Variants in CEP78 observed in about 807,000 individuals in gnomAD.
The protein encoded by CEP78 is centrosomal protein 78, also known as centrosomal protein of 78 kDa.
CEP78 carries 76 observed loss-of-function variants against 81.2 expected under a neutral mutation model. That is an observed-to-expected ratio of 0.94 (90% CI 0.78 to 1.13). The LOEUF (loss-of-function observed/expected upper bound fraction) is 1.13, where lower values mean the gene tolerates loss of function less well. Ranked by LOEUF, CEP78 falls within the 50% of genes most tolerant of loss-of-function variation. The pLI is 0.00. For missense variants in CEP78, 918 were observed against 846.8 expected, an observed-to-expected ratio of 1.08 and a Z score of -1.04; for synonymous variants, 293 against 301.4, an observed-to-expected ratio of 0.97 and a Z score of 0.29.
chr9:78,265,581 G>T, intron 14 of CEP78, 38 bp downstream of exon 14: 1 of 1,506,908 alleles, frequency 6.6e-7, no homozygotes, highest in Non-Finnish European at 8.9e-7. Flanking sequence ...TTCTACAAGT[G>T]ATTAGCAAAA....
rs1191741262 is a variant in CEP78, at chr9:78,264,277, A to C, written c.1586A>C (p.Gln529Pro). 4 of 1,613,114 alleles carry C rather than the reference A, an allele frequency of 2.5e-6. 1 individual carries two copies. The African/African-American group carries it at 5.3e-5, about 22-fold the overall frequency. Residue 529 changes from glutamine (Q) to proline (P), a missense_variant, in exon 13 of 17, where the codon CAG becomes CCG. By Grantham distance (76) the Gln-to-Pro change is moderately conservative. Transcript: ENST00000643273. ...TTGGGCAGCATTGAGAATTCTTTTC[A>C]GAAGTTTCATGCTTTCTTGGATCTC... ...GVLGSIENSF[Q>P]KFHAFLDLLK...
At chr9:78,267,190 A>C in intron 16 of CEP78, 1 of 506,864 alleles carries the variant, frequency 2.0e-6, no homozygotes, top group South Asian at 1.7e-5. Flanking sequence ...ACATTGATTC[A>C]GCAATTGTTT....
intron 6 of CEP78, among the ~76,000 whole-genome samples, chr9:78,247,105 C>T (rs74670457): frequency 0.016 from 2,505 of 152,272 alleles, 75 homozygotes; most frequent in African/African-American, 0.057. Context: ...TTTTTGAATA[C>T]TTCTATCTGC....
At chr9:78,248,943 A>G in intron 8 of CEP78, 70 bp downstream of exon 8, 2 of 674,952 alleles carry the variant, frequency 3.0e-6, no homozygotes, top group South Asian at 1.9e-5. Context: ...ATCTCTTCTC[A>G]TTGTATGATA....
In CEP78 at chr9:78,266,675, A is replaced by C. The variant is rs1827554002; in HGVS notation, c.2079A>C (p.Arg693Ser). Residue 693 changes from arginine (R) to serine (S), a missense_variant, in exon 16 of 17, where the codon AGA (arginine) becomes AGC (serine). By Grantham distance (110) the Arg-to-Ser change is moderately radical. Transcript: ENST00000643273. Reference sequence around the variant, plus strand: ...AAGAGGAGTTGTCCAGAAATAGCAGATCTTCTTCAGAGAAAAAGACCAAAA... The same window carrying C: ...AAGAGGAGTTGTCCAGAAATAGCAGCTCTTCTTCAGAGAAAAAGACCAAAA... The part of the protein sequence containing the change: ...RKEEELSRNS[R>S]SSSEKKTKTE... The C allele has an allele frequency of 6.2e-7, 1 of 1,612,180 alleles. No homozygotes were observed. Among genetic ancestry groups the C allele is most frequent in the African/African-American group, 1.3e-5 (1 of 74,914 alleles).
rs1827757422 is a variant in CEP78, at chr9:78,274,255, T to C, written c.*3404T>C. The C allele has an allele frequency of 6.6e-6, 1 of 152,212 alleles. No individual in the cohort carries two copies. Among genetic ancestry groups the C allele is most frequent in the Admixed American group, 6.5e-5 (1 of 15,288 alleles). The allele number at this position is 152,212 out of a possible 1,614,324, so 9.4% of individuals were successfully genotyped here. A position where few individuals can be genotyped will look rare whatever the true frequency, so the allele number is the denominator to read the frequency against. On this transcript the variant is annotated 3_prime_UTR_variant, in exon 17 of 17. Coordinates refer to ENST00000643273, the MANE Select transcript of CEP78 (RefSeq NM_001330691.3). Reference sequence around the variant, plus strand: ...GCTACATTCTGTATGATTCCATTTATATGGCATTCTTGAAAAGACAAAACT... The same window carrying C: ...GCTACATTCTGTATGATTCCATTTACATGGCATTCTTGAAAAGACAAAACT...
chr9:78,248,497 G>A (rs1174852396), intron 7 of CEP78, 142 bp downstream of exon 7: 7 of 654,142 alleles, frequency 1.1e-5, no homozygotes, highest in African/African-American at 3.7e-5. Context: ...AGCTAGGACT[G>A]TAGGTATATA....
At chr9:78,252,625 C>T (rs537746469) in intron 9 of CEP78, among the ~76,000 whole-genome samples, 9 of 152,130 alleles carry the variant, frequency 5.9e-5, no homozygotes, top group Middle Eastern at 6.8e-3. Flanking sequence ...AAATTATTTT[C>T]GAATGACTGA....
At position 78,264,291 on chromosome 9, in the gene CEP78, T is replaced by A. The variant is rs749559516; in HGVS notation, c.1600T>A (p.Phe534Ile). The A allele has an allele frequency of 3.1e-6, 5 of 1,613,368 alleles. No homozygotes were observed. The highest frequency in any genetic ancestry group is 4.2e-6 in the Non-Finnish European group (5 of 1,179,558). ...GAATTCTTTTCAGAAGTTTCATGCT[T>A]TCTTGGATCTCCTTAAAGATGCTGG... ...IENSFQKFHAFLDLLKDAGLG... is the reference protein window; with the variant it reads ...IENSFQKFHAILDLLKDAGLG... Residue 534 changes from phenylalanine to isoleucine, a missense_variant, in exon 13 of 17, where the codon TTC becomes ATC. By Grantham distance (21) the Phe-to-Ile change is conservative. Transcript: ENST00000643273.
chr9:78,247,303 G>A (rs1223354041), intron 6 of CEP78, among the ~76,000 whole-genome samples: 5 of 152,132 alleles, frequency 3.3e-5, no homozygotes, highest in Non-Finnish European at 5.9e-5. Flanking sequence ...TTTTTTAGGG[G>A]ACAGCTTCAC....
At chr9:78,251,501 G>T (rs943697993) in intron 8 of CEP78, among the ~76,000 whole-genome samples, 1 of 152,092 alleles carries the variant, frequency 6.6e-6, no homozygotes, top group South Asian at 2.1e-4. Flanking sequence ...ATTCAGGAAT[G>T]CCAAAAATAT....
At chr9:78,262,037 G>T (rs983987500) in intron 11 of CEP78, among the ~76,000 whole-genome samples, 4 of 151,706 alleles carry the variant, frequency 2.6e-5, no homozygotes, top group Admixed American at 6.6e-5. Flanking sequence ...ATCTTAAAAA[G>T]ATATCAAAAT....
chr9:78,236,955 A>T (rs1308489610), intron 1 of CEP78, among the ~76,000 whole-genome samples: 4 of 136,382 alleles, frequency 2.9e-5, no homozygotes, highest in African/African-American at 8.4e-5. Flanking sequence ...AAATTAATAC[A>T]TGTCAGCCTT....
intron 16 of CEP78, among the ~76,000 whole-genome samples, chr9:78,270,607 A>G (rs1827669948): frequency 6.6e-6 from 1 of 152,188 alleles, no homozygotes; most frequent in South Asian, 2.1e-4. Context: ...TTCACACATA[A>G]TTACTAGTGG....
At chr9:78,250,209 A>T in intron 8 of CEP78, 1 of 398,146 alleles carries the variant, frequency 2.5e-6, no homozygotes, top group East Asian at 3.6e-5. Context: ...TTTTAAGAGT[A>T]ACTTTATTTC....
At position 78,277,072 on chromosome 9, in the gene CEP78, C is replaced by G. The variant is rs1475894793; in HGVS notation, c.*6221C>G. ...TATATGTATTTAAAAAATGGCATCACAAGTCAGTAGAGAAGGGTTTGAACT... is the reference window on the plus strand; with the variant it reads ...TATATGTATTTAAAAAATGGCATCAGAAGTCAGTAGAGAAGGGTTTGAACT... On this transcript the variant is annotated 3_prime_UTR_variant, in exon 17 of 17. Transcript: ENST00000643273. 6.6e-6 allele frequency: 1 copy of G among 151,638 alleles called. No homozygotes were observed. Among genetic ancestry groups the G allele is most frequent in the Non-Finnish European group, 1.5e-5 (1 of 67,924 alleles). 9.4% of individuals were successfully genotyped at this position (151,638 alleles called of 1,614,324 possible).
rs1827841899 is a variant in CEP78 at position 78,278,162 on chromosome 9, A to G, written c.*7311A>G. On this transcript the variant is annotated 3_prime_UTR_variant, in exon 17 of 17. Coordinates refer to ENST00000643273, the MANE Select transcript of CEP78 (RefSeq NM_001330691.3). ...TTCTAGGTTGTTTGGTTTAAAAAAA[A>G]AGTTTTTATGTACAACAGACAATTT... 6.6e-6 allele frequency: 1 copy of G among 152,174 alleles called. No homozygotes were observed. 9.4% of individuals were successfully genotyped at this position (152,174 alleles called of 1,614,324 possible).
At chr9:78,256,022 A>G (rs751587504) in intron 11 of CEP78, among the ~76,000 whole-genome samples, 66 of 152,256 alleles carry the variant, frequency 4.3e-4, no homozygotes, top group Admixed American at 8.5e-4. Flanking sequence ...AGAACTCCAT[A>G]AAACGATATT....
chr9:78,261,284 A>G (rs1028647084), intron 11 of CEP78, among the ~76,000 whole-genome samples: 1 of 152,144 alleles, frequency 6.6e-6, no homozygotes, highest in Non-Finnish European at 1.5e-5. Context: ...AAAAATCTGC[A>G]TATAATGGGC....
Sources: allele counts gnomAD v4.1 joint callset (sites outside exome capture counted in the v4.1 genomes callset), GRCh38; gene constraint gnomAD v4.1.1; transcripts MANE v1.5; gene names NCBI Gene and HGNC (gene_info 2026-07-23, HGNC 2026-07-21).